RBM34: variants seen among roughly 807,000 people sequenced by gnomAD.
RBM34 encodes the protein RNA-binding protein 34.
RBM34 carries 39 observed loss-of-function variants against 44.6 expected under a neutral mutation model. That is an observed-to-expected ratio of 0.87 (90% CI 0.68 to 1.14). RBM34 has a LOEUF of 1.14. RBM34 is among the 50% of genes most tolerant of loss of function. The pLI is 0.00. For missense variants in RBM34, 572 were observed against 517.9 expected (o/e 1.10, Z -1.01); for synonymous variants, 194 against 184.0 (o/e 1.05, Z -0.44).
intron 6 of RBM34, among the ~76,000 whole-genome samples, chr1:235,146,497 A>G (rs970520078): frequency 1.3e-5 from 2 of 152,236 alleles, no homozygotes; most frequent in Non-Finnish European, 2.9e-5. Context: ...ATGTGGGAAG[A>G]AGAACATCTA....
chr1:235,146,936 A>G (rs111578207), intron 6 of RBM34, among the ~76,000 whole-genome samples: 193 of 152,314 alleles, frequency 1.3e-3, no homozygotes, highest in African/African-American at 4.5e-3. Context: ...TAAATTTTAA[A>G]TTAAAAACAA....
intron 3 of RBM34, among the ~76,000 whole-genome samples, chr1:235,157,537 A>G (rs1662502722): frequency 6.6e-6 from 1 of 152,162 alleles, no homozygotes; most frequent in Admixed American, 6.6e-5. Context: ...AAATGCCAGG[A>G]GGCAAACAAA....
In RBM34 at chr1:235,138,148, T is replaced by G. The variant is rs778114055; in HGVS notation, c.728A>C (p.Asn243Thr). 5 of 1,603,002 alleles carry G rather than the reference T, an allele frequency of 3.1e-6. No homozygotes were observed. The South Asian group carries it at 4.6e-5, about 15-fold the overall frequency. ...CTTAAACACAACATAGGCATTAATA[T>G]TTTTCTGATCAGGATGAATTTTACG... ...IKRKIHPDQK[N>T]INAYVVFKEE... Residue 243 changes from asparagine to threonine, a missense_variant, in exon 7 of 11, where the codon AAT becomes ACT. Asn to Thr is a moderately conservative substitution (Grantham distance 65). Transcript: ENST00000408888.
chr1:235,135,572 G>T, intron 10 of RBM34, 80 bp downstream of exon 10: 2 of 1,173,102 alleles, frequency 1.7e-6, no homozygotes, highest in African/African-American at 1.5e-5. Context: ...TGAAAGTTAT[G>T]TCTCAATGAT....
At chr1:235,148,273 C>T in intron 6 of RBM34, 131 bp downstream of exon 6, 1 of 551,772 alleles carries the variant, frequency 1.8e-6, no homozygotes, top group Non-Finnish European at 3.0e-6. Context: ...AATACAGAAG[C>T]AAACAGTCAA....
intron 10 of RBM34, among the ~76,000 whole-genome samples, chr1:235,134,002 C>T (rs934248867): frequency 1.3e-5 from 2 of 152,010 alleles, no homozygotes; most frequent in Admixed American, 6.6e-5. Context: ...GGACCACAGG[C>T]GCTGGCCACC....
In RBM34 at chr1:235,131,750, T is replaced by C; in HGVS notation, c.1256A>G (p.Lys419Arg). 1.9e-6 allele frequency: 3 copies of C among 1,604,644 alleles called. No individual in the cohort carries two copies. The highest frequency in any genetic ancestry group is 2.5e-6 in the Non-Finnish European group (3 of 1,177,154). ...TCTCTGTTTCTTAGGGCGTCCACTT[T>C]TCTTCTGTCCTTTCTTCTTCGTTTT... ...LLKTKKKGQK[K>R]SGRPKKQRKQ... Residue 419 changes from lysine (K) to arginine (R), a missense_variant, in exon 11 of 11, where the codon AAA becomes AGA. Transcript: ENST00000408888.
At chr1:235,150,959 G>A (rs112041218) in intron 5 of RBM34, among the ~76,000 whole-genome samples, 66 of 152,242 alleles carry the variant, frequency 4.3e-4, no homozygotes, top group African/African-American at 1.6e-3. Context: ...GGGGAAGGGC[G>A]TTTCATTAAT....
rs1051155978 is a variant in RBM34, at chr1:235,160,782, T to C, written c.228+111A>G. The C allele has an allele frequency of 4.0e-6, 6 of 1,514,992 alleles. No individual in the cohort carries two copies. In the African/African-American group the frequency reaches 8.4e-5, roughly 21 times the overall value. 93.8% of individuals were successfully genotyped at this position (1,514,992 alleles called of 1,614,324 possible). ...AAGAGTCATGAAAGGTTACTTAAAA[T>C]GAATCCTGTCTGCCCCCTTTAGAAA... On this transcript the variant is annotated intron_variant, in intron 2 of 10. Coordinates refer to ENST00000408888, the MANE Select transcript of RBM34 (RefSeq NM_015014.4).
At chr1:235,155,864 T>TCC (rs1662415531) in intron 3 of RBM34, among the ~76,000 whole-genome samples, 1 of 81,160 alleles carries the variant, frequency 1.2e-5, no homozygotes, top group Non-Finnish European at 2.1e-5. Flanking sequence ...TATATATATA[T>TCC]ATACATATAT....
In RBM34 at chr1:235,135,693, T is replaced by C; in HGVS notation, c.967A>G (p.Met323Val). The C allele has an allele frequency of 6.2e-7, 1 of 1,614,210 alleles. No individual in the cohort carries two copies. Among genetic ancestry groups the C allele is most frequent in the Non-Finnish European group, 8.5e-7 (1 of 1,180,036 alleles). ...IMAVRIVRDK[M>V]TGIGKGFGYV... Reference sequence around the variant, plus strand: ...CCAAACCCTTTGCCGATGCCTGTCATTTTGTCTCTCACAATCCTCACGGCC... The same window carrying C: ...CCAAACCCTTTGCCGATGCCTGTCACTTTGTCTCTCACAATCCTCACGGCC... The change falls in exon 10 of 11, where the codon ATG becomes GTG. Residue 323 changes from methionine to valine, a missense_variant. By Grantham distance (21) the Met-to-Val change is conservative. Coordinates refer to ENST00000408888, the MANE Select transcript of RBM34 (RefSeq NM_015014.4).
intron 3 of RBM34, among the ~76,000 whole-genome samples, chr1:235,159,465 T>C (rs1026048254): frequency 1.3e-5 from 2 of 151,174 alleles, no homozygotes; most frequent in Non-Finnish European, 2.9e-5. Flanking sequence ...GAAGAATCAC[T>C]TGAACCCAGG....
At chr1:235,150,623 A>G (rs531133126) in intron 5 of RBM34, among the ~76,000 whole-genome samples, 31 of 152,268 alleles carry the variant, frequency 2.0e-4, no homozygotes, top group African/African-American at 7.0e-4. Flanking sequence ...AACACAGGAG[A>G]GGCAGGGCCA....
intron 8 of RBM34, among the ~76,000 whole-genome samples, chr1:235,136,349 T>C (rs1301295558): frequency 1.3e-5 from 2 of 152,230 alleles, no homozygotes; most frequent in Non-Finnish European, 2.9e-5. Flanking sequence ...CAACTTTTTC[T>C]GTAAAGGGCC....
chr1:235,158,124 A>C (rs1015179729), intron 3 of RBM34, among the ~76,000 whole-genome samples: 13 of 152,044 alleles, frequency 8.6e-5, no homozygotes, highest in African/African-American at 3.1e-4. Context: ...TAGCAGAAAG[A>C]GGGATAAGGG....
intron 3 of RBM34, among the ~76,000 whole-genome samples, chr1:235,156,440 T>C (rs969875904): frequency 2.6e-5 from 4 of 152,206 alleles, no homozygotes; most frequent in Non-Finnish European, 5.9e-5. Flanking sequence ...GATTTCATTT[T>C]CTACTCTAGA....
chr1:235,159,109 A>C (rs1043295501), intron 3 of RBM34, among the ~76,000 whole-genome samples: 1 of 151,290 alleles, frequency 6.6e-6, no homozygotes, highest in Non-Finnish European at 1.5e-5. Flanking sequence ...GCAACACAGG[A>C]GGCTGAGGTG....
At position 235,160,928 on chromosome 1, in the gene RBM34, G is replaced by A; in HGVS notation, c.193C>T (p.Pro65Ser). 6.2e-7 allele frequency: 1 copy of A among 1,614,130 alleles called. No individual in the cohort carries two copies. Among genetic ancestry groups the A allele is most frequent in the Non-Finnish European group, 8.5e-7 (1 of 1,180,032 alleles). ...RLASLFSSLE[P>S]QIQPVYVPVP... is the part of the protein sequence containing the mutation. ...GGCACGTACACGGGTTGAATCTGGG[G>A]CTCCAGAGAACTGAAGAGGGACGCC... Residue 65 changes from proline (P) to serine (S), a missense_variant, in exon 2 of 11, where the codon CCC becomes TCC. Coordinates refer to ENST00000408888, the MANE Select transcript of RBM34 (RefSeq NM_015014.4).
chr1:235,140,211 G>A (rs753411313), intron 6 of RBM34, among the ~76,000 whole-genome samples: 11 of 152,236 alleles, frequency 7.2e-5, no homozygotes, highest in African/African-American at 2.2e-4. Flanking sequence ...TCAGCCCACC[G>A]CTGCGCTGTG....
Sources: allele counts gnomAD v4.1 joint callset (sites outside exome capture counted in the v4.1 genomes callset), GRCh38; gene constraint gnomAD v4.1.1; transcripts MANE v1.5; gene names NCBI Gene and HGNC (gene_info 2026-07-23, HGNC 2026-07-21).